The following TIMP1 variants were observed in gnomAD, a reference collection of about 807,000 sequenced individuals.
The protein encoded by TIMP1 is metalloproteinase inhibitor 1.
A neutral mutation model predicts 13.7 loss-of-function variants in TIMP1; 5 were observed. The observed-to-expected ratio is 0.36, with a 90% CI of 0.19 to 0.76. The LOEUF (loss-of-function observed/expected upper bound fraction) is 0.76. Ranked by LOEUF, TIMP1 falls within the 30% of genes least tolerant of loss-of-function variation. TIMP1 has a pLI of 0.51. For synonymous variants in TIMP1, 63 were observed against 67.1 expected (o/e 0.94, Z 0.30); for missense variants, 131 against 168.4 (o/e 0.78, Z 1.23).
chrX:47,583,677 A>G, intron 2 of TIMP1, 141 bp downstream of exon 2: 1 of 697,312 alleles, frequency 1.4e-6, no homozygotes. Flanking sequence ...GCATCCTCAC[A>G]CTTCCTTGAG....
intron 4 of TIMP1, 27 bp downstream of exon 4, chrX:47,585,358 C>A: frequency 1.7e-6 from 2 of 1,210,136 alleles, no homozygotes; most frequent in South Asian, 3.5e-5. Context: ...GCGCCCTGTG[C>A]CACACCAACC....
chrX:47,583,546 C>T lies in TIMP1; in HGVS notation c.121+10C>T, dbSNP rs201136509. 6.8e-5 allele frequency: 81 copies of T among 1,183,287 alleles called. No individual in the cohort carries two copies. In the East Asian group the frequency reaches 7.9e-4, roughly 12 times the overall value. ...TGCAATTCCGACCTCGGTGAGTCCT[C>T]ACCCCACTCAGCCCACACACTCTGC... is the stretch of plus-strand genomic sequence containing the variant. On this transcript the variant is annotated intron_variant, in intron 2 of 5. Coordinates refer to ENST00000218388, the MANE Select transcript of TIMP1 (RefSeq NM_003254.3).
chrX:47,586,116 G>A, intron 5 of TIMP1: 1 of 939,334 alleles, frequency 1.1e-6, no homozygotes, highest in Non-Finnish European at 1.3e-6. Flanking sequence ...GCTAGTCCAA[G>A]CCTGTTCCCT....
In TIMP1 at chrX:47,583,327, G is replaced by A. The variant is rs896938748; in HGVS notation, c.-8-81G>A. On this transcript the variant is annotated intron_variant, in intron 1 of 5. Transcript: ENST00000218388. The stretch of plus-strand genomic sequence containing the variant: ...CCTAATCCCCCCCATAGGCTGCCCC[G>A]GGGCAAGATGGGGTGGATGACCTGC... 1.3e-5 allele frequency: 13 copies of A among 965,319 alleles called. No individual in the cohort carries two copies. The Admixed American group carries it at 1.8e-4, about 13-fold the overall frequency. The allele number at this position is 965,319 out of a possible 1,213,427, so 79.6% of individuals were successfully genotyped here. A position where few individuals can be genotyped will look rare whatever the true frequency, so the allele number is the denominator to read the frequency against.
intron 3 of TIMP1, 58 bp downstream of exon 3, chrX:47,585,073 A>G: frequency 8.4e-7 from 1 of 1,186,901 alleles, no homozygotes; most frequent in Non-Finnish European, 1.1e-6. Context: ...CCTGGTCAAA[A>G]CAGAAACTTC....
chrX:47,586,241 T>C (rs894345460), intron 5 of TIMP1: 1 of 749,903 alleles, frequency 1.3e-6, no homozygotes, highest in Non-Finnish European at 1.6e-6. Flanking sequence ...TGCCAGTTTT[T>C]CCCTGTCCTT....
chrX:47,585,000 G>T lies in TIMP1; in HGVS notation c.186G>T (p.Glu62Asp). Reference sequence around the variant, plus strand: ...AGACCACCTTATACCAGCGTTATGAGATCAAGATGACCAAGGTATCCCCTG... The same window carrying T: ...AGACCACCTTATACCAGCGTTATGATATCAAGATGACCAAGGTATCCCCTG... ...VNQTTLYQRYEIKMTKMYKGF... is the reference protein window; with the variant it reads ...VNQTTLYQRYDIKMTKMYKGF... Residue 62 changes from glutamate to aspartate, a missense_variant, in exon 3 of 6, where the codon GAG (glutamate) becomes GAT (aspartate). By Grantham distance (45) the Glu-to-Asp change is conservative (BLOSUM62 2). Transcript: ENST00000218388. 3.3e-6 allele frequency: 4 copies of T among 1,210,812 alleles called. No individual in the cohort carries two copies. The highest frequency in any genetic ancestry group is 4.5e-6 in the Non-Finnish European group (4 of 895,117).
chrX:47,585,189 C>A lies in TIMP1; in HGVS notation c.202-16C>A. The A allele has an allele frequency of 8.5e-7, 1 of 1,174,229 alleles. No individual in the cohort carries two copies. The highest frequency in any genetic ancestry group is 3.0e-5 in the East Asian group (1 of 33,426). ...TTATGTCAGTAAAAGAGACACTTCC[C>A]CTCATCCATCAACAGATGTATAAAG... On this transcript the variant is annotated splice_polypyrimidine_tract_variant and intron_variant, in intron 3 of 5. Transcript: ENST00000218388.
At position 47,583,532 on chromosome X, in the gene TIMP1, C is replaced by A; in HGVS notation, c.117C>A (p.Asp39Glu). 8.4e-7 allele frequency: 1 copy of A among 1,195,790 alleles called. No homozygotes were observed. The highest frequency in any genetic ancestry group is 1.1e-6 in the Non-Finnish European group (1 of 886,683). The change falls in exon 2 of 6, where the codon GAC becomes GAA. Residue 39 changes from aspartate to glutamate, a missense_variant. Physicochemically the swap from Asp to Glu is conservative, Grantham distance 45. Transcript: ENST00000218388. ...PHPQTAFCNS[D>E]LVIRAKFVGT... ...CACAGACGGCCTTCTGCAATTCCGA[C>A]CTCGGTGAGTCCTCACCCCACTCAG...
In TIMP1 at chrX:47,586,607, G is replaced by A; in HGVS notation, c.540G>A (p.Lys180=). ...WTDQLLQGSE[K]GFQSRHLACL... is the part of the protein sequence containing the mutation. ...ACCAGCTCCTCCAAGGCTCTGAAAA[G>A]GGCTTCCAGTCCCGTCACCTTGCCT... The change falls in exon 6 of 6, where the codon AAG becomes AAA. Residue 180 remains lysine, a synonymous_variant. Transcript: ENST00000218388. 1 of 1,212,055 alleles carries A rather than the reference G, an allele frequency of 8.3e-7. No homozygotes were observed.
chrX:47,583,364 G>A, intron 1 of TIMP1, 44 bp from the exon 2 acceptor site: 1 of 1,163,203 alleles, frequency 8.6e-7, no homozygotes, highest in Non-Finnish European at 1.1e-6. Context: ...CAGGTCAGCA[G>A]ATCAGCTGGG....
rs2057829112 is a variant in TIMP1, at chrX:47,586,746, C to T, written c.*55C>T. 1.7e-6 allele frequency: 2 copies of T among 1,155,375 alleles called. No homozygotes were observed. Among genetic ancestry groups the T allele is most frequent in the African/African-American group, 3.5e-5 (2 of 56,362 alleles). ...CACAGTGTCCACCCTGTTCCCACTC[C>T]CATCTTTCTTCCGGACAATGAAATA... is the stretch of plus-strand genomic sequence containing the variant. On this transcript the variant is annotated 3_prime_UTR_variant, in exon 6 of 6. Transcript: ENST00000218388.
intron 2 of TIMP1, among the ~76,000 whole-genome samples, chrX:47,584,654 A>G (rs1427739834): frequency 8.9e-6 from 1 of 112,223 alleles, no homozygotes; most frequent in African/African-American, 3.2e-5. Context: ...TGTCCCTAAC[A>G]CCCAGAACAA....
chrX:47,582,684 C>T (rs1258117737), intron 1 of TIMP1: 3 of 276,824 alleles, frequency 1.1e-5, no homozygotes, highest in Non-Finnish European at 2.2e-5. Flanking sequence ...GAACCCCTGA[C>T]ATCCGCCCCC....
chrX:47,585,825 C>G (rs1240902040), intron 5 of TIMP1, 158 bp downstream of exon 5: 1 of 1,149,226 alleles, frequency 8.7e-7, no homozygotes, highest in African/African-American at 1.8e-5. Flanking sequence ...TTCCCCAAGC[C>G]CGAGACTGCT....
chrX:47,585,405 G>C, intron 4 of TIMP1, 74 bp downstream of exon 4: 1 of 1,201,015 alleles, frequency 8.3e-7, no homozygotes, highest in Non-Finnish European at 1.1e-6. Context: ...ACGAGGGGGC[G>C]AGGCTCTGAT....
rs2057821196 is a variant in TIMP1, at chrX:47,585,597, G to A, written c.383G>A (p.Trp128Ter). 8.4e-7 allele frequency: 1 copy of A among 1,196,351 alleles called. No individual in the cohort carries two copies. Among genetic ancestry groups the A allele is most frequent in the Admixed American group, 2.2e-5 (1 of 44,923 alleles). Residue 128 changes from tryptophan (W) to a stop codon, truncating the protein, a stop_gained, in exon 5 of 6, where the codon TGG (tryptophan) becomes TAG (stop). Transcript: ENST00000218388. LOFTEE classifies it high-confidence loss of function. ...ACTACCTGCAGTTTTGTGGCTCCCT[G>A]GAACAGCCTGAGCTTAGCTCAGCGC... is the stretch of plus-strand genomic sequence containing the variant. ...HITTCSFVAP[W>*]NSLSLAQRRG...
rs375327708 is a variant in TIMP1 at position 47,586,759 on chromosome X, G to C, written c.*68G>C. ...CTGTTCCCACTCCCATCTTTCTTCC[G>C]GACAATGAAATAAAGAGTTACCACC... On this transcript the variant is annotated 3_prime_UTR_variant, in exon 6 of 6. Coordinates refer to ENST00000218388, the MANE Select transcript of TIMP1 (RefSeq NM_003254.3). The C allele has an allele frequency of 2.6e-5, 29 of 1,135,460 alleles. No individual in the cohort carries two copies. The highest frequency in any genetic ancestry group is 2.4e-4 in the East Asian group (8 of 33,083). 93.6% of individuals were successfully genotyped at this position (1,135,460 alleles called of 1,213,427 possible).
Position 47,585,313 on chromosome X carries a change from G to C in TIMP1, c.310G>C (p.Glu104Gln). Residue 104 changes from glutamate to glutamine, a missense_variant, in exon 4 of 6, where the codon GAG becomes CAG. Transcript: ENST00000218388. ...GYFHRSHNRS[E>Q]EFLIAGKLQD... ...CTTCCACAGGTCCCACAACCGCAGCGAGGAGTTTCTCATTGCTGGTGAGGC... is the reference window on the plus strand; with the variant it reads ...CTTCCACAGGTCCCACAACCGCAGCCAGGAGTTTCTCATTGCTGGTGAGGC... 8.3e-7 allele frequency: 1 copy of C among 1,211,863 alleles called. No homozygotes were observed.
Sources: gnomAD v4.1 joint callset for allele counts (sites outside exome capture counted in the v4.1 genomes callset) on GRCh38, gnomAD v4.1.1 for gene constraint, MANE v1.5 for transcripts, NCBI Gene and HGNC (gene_info 2026-07-23, HGNC 2026-07-21) for gene names.